The following TGIF1 variants were observed in gnomAD, a reference collection of about 807,000 sequenced individuals.
TGIF1 encodes homeobox protein TGIF1.
Under a neutral mutation model 19.3 loss-of-function variants are expected in TGIF1, and 4 were observed. The ratio of observed to expected loss-of-function variants is 0.21; its 90% CI spans 0.10 to 0.47. The LOEUF is 0.47. TGIF1 is among the 20% of genes least tolerant of loss of function. TGIF1 has a pLI of 0.98. For missense variants in TGIF1, 275 were observed against 341.4 expected (o/e 0.81, Z 1.53); for synonymous variants, 122 against 129.3 (o/e 0.94, Z 0.38).
chr18:3,437,018 T>C (rs1323308131), intron 2 of TGIF1, among the ~76,000 whole-genome samples: 1 of 152,006 alleles, frequency 6.6e-6, no homozygotes, highest in Non-Finnish European at 1.5e-5. Context: ...GGCACGAGAA[T>C]GGCCTGACCC....
intron 1 of TGIF1, among the ~76,000 whole-genome samples, chr18:3,454,799 C>G (rs1046296755): frequency 3.9e-5 from 6 of 152,200 alleles, no homozygotes; most frequent in African/African-American, 1.4e-4. Context: ...TTTGCAAGAT[C>G]ATCCACCTCT....
At position 3,457,393 on chromosome 18, in the gene TGIF1, G is replaced by A. The variant is rs921452393; in HGVS notation, c.272G>A (p.Arg91His). ...TGTAACTGGTTCATCAACGCCCGCC[G>A]CAGGCTCCTCCCTGACATGCTGAGA... ...QVCNWFINAR[R>H]RLLPDMLRKD... is the part of the protein sequence containing the mutation. The change falls in exon 3 of 3, where the codon CGC (arginine) becomes CAC (histidine). Residue 91 changes from arginine (R) to histidine (H), a missense_variant. Physicochemically the swap from Arg to His is conservative, Grantham distance 29 (BLOSUM62 0). Coordinates refer to ENST00000343820, the MANE Select transcript of TGIF1 (RefSeq NM_003244.4). This position sits in a 1 kb window ranked among gnomAD's most constrained non-coding sequence, Gnocchi z 4.9. 1.2e-6 allele frequency: 2 copies of A among 1,614,076 alleles called. No homozygotes were observed. Among genetic ancestry groups the A allele is most frequent in the East Asian group, 2.2e-5 (1 of 44,896 alleles).
At chr18:3,453,593 A>G (rs1301365075) in intron 1 of TGIF1, among the ~76,000 whole-genome samples, 3 of 151,310 alleles carry the variant, frequency 2.0e-5, no homozygotes, top group African/African-American at 7.3e-5. Context: ...GGCTGAGGCA[A>G]GAGAATCGCT....
intron 2 of TGIF1, among the ~76,000 whole-genome samples, chr18:3,438,132 T>A (rs1317779696): frequency 6.6e-6 from 1 of 151,594 alleles, no homozygotes; most frequent in African/African-American, 2.4e-5. Context: ...TTAGTGTAGG[T>A]TGTTGTTGTA....
upstream of TGIF1, chr18:3,447,781 C>A: frequency 6.2e-7 from 1 of 1,614,178 alleles, no homozygotes; most frequent in East Asian, 2.2e-5. Flanking sequence ...CCCGATCAAG[C>A]CTGACTTCTA....
At chr18:3,424,057 GAC>G (rs1287481127) in intron 2 of TGIF1, among the ~76,000 whole-genome samples, 1 of 152,116 alleles carries the variant, frequency 6.6e-6, no homozygotes, top group African/African-American at 2.4e-5. Context: ...TTCACACTGT[GAC>G]ACAGAGACAA....
intron 1 of TGIF1, among the ~76,000 whole-genome samples, chr18:3,450,829 T>G (rs981795995): frequency 1.3e-4 from 20 of 152,112 alleles, no homozygotes; most frequent in Non-Finnish European, 1.8e-4. Context: ...CCGCGTGGCT[T>G]CTCGCTCTTT....
At chr18:3,452,563 C>G (rs980230427) in intron 1 of TGIF1, among the ~76,000 whole-genome samples, 2 of 152,028 alleles carry the variant, frequency 1.3e-5, no homozygotes, top group Non-Finnish European at 2.9e-5. Flanking sequence ...TCCTGGAGTT[C>G]CTTTGCTTGT....
rs1221273162 is a variant in TGIF1, at chr18:3,458,059, G to T, written c.*119G>T. The T allele has an allele frequency of 1.1e-6, 1 of 900,652 alleles. No individual in the cohort carries two copies. The highest frequency in any genetic ancestry group is 2.2e-5 in the Admixed American group (1 of 45,876). The allele number at this position is 900,652 out of a possible 1,614,324, so 55.8% of individuals were successfully genotyped here. On this transcript the variant is annotated 3_prime_UTR_variant, in exon 3 of 3. Transcript: ENST00000343820. ...ATTTGCACATGGGATTGCTAAAACA[G>T]CTTCCTGTTACTGAGATGTCTTCAA... is the stretch of plus-strand genomic sequence containing the variant.
Position 3,457,654 on chromosome 18 carries a change from T to C in TGIF1, c.533T>C (p.Val178Ala), listed in dbSNP as rs962969850. 2 of 1,614,120 alleles carry C rather than the reference T, an allele frequency of 1.2e-6. No homozygotes were observed. Among genetic ancestry groups the C allele is most frequent in the Non-Finnish European group, 1.7e-6 (2 of 1,180,054 alleles). ...ARPSVICHTT[V>A]TALKDVPFSL... is the part of the protein sequence containing the mutation. ...CCATCAGTGATCTGCCATACCACTG[T>C]GACTGCATTGAAAGATGTCCCTTTC... Residue 178 changes from valine (V) to alanine (A), a missense_variant, in exon 3 of 3, where the codon GTG becomes GCG. Val to Ala is a moderately conservative substitution (Grantham distance 64). Coordinates refer to ENST00000343820, the MANE Select transcript of TGIF1 (RefSeq NM_003244.4). The surrounding 1 kb of genome is among the most constrained non-coding windows in gnomAD (Gnocchi z 4.9).
At chr18:3,445,723 CAAAAAAAAAAAA>C (rs141550400), upstream of TGIF1, among the ~76,000 whole-genome samples, 30 of 17,692 alleles carry the variant, frequency 1.7e-3, no homozygotes, top group East Asian at 6.3e-3. Context: ...GACTCTGTCT[CAAAAAAAAAAAA>C]AAAAAAAAAA....
intron 2 of TGIF1, among the ~76,000 whole-genome samples, chr18:3,444,388 T>G (rs550059621): frequency 2.3e-4 from 35 of 152,206 alleles, no homozygotes; most frequent in African/African-American, 7.9e-4. Flanking sequence ...CAGGGTTTGT[T>G]GTACATATTA....
At chr18:3,415,302 G>C (rs946333460) in intron 1 of TGIF1, 1 of 278,714 alleles carries the variant, frequency 3.6e-6, no homozygotes, top group Non-Finnish European at 7.7e-6. Context: ...CTGAGGGTTC[G>C]GTGTCCACAC....
chr18:3,452,631 G>A (rs1057306882), intron 1 of TGIF1, among the ~76,000 whole-genome samples: 1 of 152,022 alleles, frequency 6.6e-6, no homozygotes. Flanking sequence ...GAACTCTCAA[G>A]AACAAAAGCT....
At chr18:3,420,849 T>A (rs898483700) in intron 2 of TGIF1, among the ~76,000 whole-genome samples, 1 of 152,314 alleles carries the variant, frequency 6.6e-6, no homozygotes, top group Admixed American at 6.5e-5. Context: ...TTAGCCAAGT[T>A]CTGTAAGACT....
At chr18:3,422,364 T>A in intron 2 of TGIF1, among the ~76,000 whole-genome samples, 1 of 138,942 alleles carries the variant, frequency 7.2e-6, no homozygotes, top group South Asian at 2.5e-4. Flanking sequence ...GAAGAACGAA[T>A]ACATTTTCAT....
rs2082860594 is a variant in TGIF1, at chr18:3,450,224, G to GAGGGGAGGGGAGAGAGTT, written c.-265_-248dup. The GAGGGGAGGGGAGAGAGTT allele has an allele frequency of 7.1e-7, 1 of 1,410,528 alleles. No homozygotes were observed. Among genetic ancestry groups the GAGGGGAGGGGAGAGAGTT allele is most frequent in the African/African-American group, 1.4e-5 (1 of 68,996 alleles). 87.4% of individuals were successfully genotyped at this position (1,410,528 alleles called of 1,614,324 possible). On this transcript the variant is annotated 5_prime_UTR_variant, in exon 1 of 3. Coordinates refer to ENST00000343820, the MANE Select transcript of TGIF1 (RefSeq NM_003244.4). ...CAGGAGCAGGGAACAAAGGAGCGGAGAGGGGAGGGGAGAGAGTTGGGCGAG... is the reference window on the plus strand; with the variant it reads ...CAGGAGCAGGGAACAAAGGAGCGGAGAGGGGAGGGGAGAGAGTTAGGGGAGGGGAGAGAGTTGGGCGAG...
rs2082858929 is a variant in TGIF1, at chr18:3,450,189, G to C, written c.-301G>C. Reference sequence around the variant, plus strand: ...CCTCTCTCACTCTGACAGCGCCGAGGTGCGCCGAGCAGGAGCAGGGAACAA... The same window carrying C: ...CCTCTCTCACTCTGACAGCGCCGAGCTGCGCCGAGCAGGAGCAGGGAACAA... On this transcript the variant is annotated 5_prime_UTR_variant, in exon 1 of 3. Coordinates refer to ENST00000343820, the MANE Select transcript of TGIF1 (RefSeq NM_003244.4). The C allele has an allele frequency of 7.4e-7, 1 of 1,350,294 alleles. No homozygotes were observed. Among genetic ancestry groups the C allele is most frequent in the Non-Finnish European group, 9.5e-7 (1 of 1,049,540 alleles). 83.6% of individuals were successfully genotyped at this position (1,350,294 alleles called of 1,614,324 possible).
upstream of TGIF1, chr18:3,447,514 T>G: frequency 1.6e-6 from 1 of 620,768 alleles, no homozygotes. Context: ...GAAGCCCACT[T>G]TTTTGAGGCT....
Sources: allele counts gnomAD v4.1 joint callset (sites outside exome capture counted in the v4.1 genomes callset), GRCh38; gene constraint gnomAD v4.1.1; non-coding constraint Gnocchi (gnomAD v3.1); transcripts MANE v1.5; gene names NCBI Gene and HGNC (gene_info 2026-07-23, HGNC 2026-07-21).